CDC42SE2: variants seen among roughly 807,000 people sequenced by gnomAD.
The protein encoded by CDC42SE2 is CDC42 small effector 2, also known as CDC42 small effector protein 2.
In CDC42SE2, 3 loss-of-function variants were observed where a neutral mutation model predicts 11.5. The ratio of observed to expected loss-of-function variants is 0.26; its 90% confidence interval spans 0.12 to 0.67. The LOEUF (loss-of-function observed/expected upper bound fraction) is 0.67, where lower values mean the gene tolerates loss of function less well. CDC42SE2 is among the 30% of genes least tolerant of loss of function. CDC42SE2 has a pLI of 0.80. For synonymous variants in CDC42SE2, 33 were observed against 34.8 expected, an observed-to-expected ratio of 0.95 and a Z score of 0.18; for missense variants, 82 against 106.8, an observed-to-expected ratio of 0.77 and a Z score of 1.02.
At chr5:131,386,917 C>T (rs1175883486) in intron 4 of CDC42SE2, among the ~76,000 whole-genome samples, 1 of 152,174 alleles carries the variant, frequency 6.6e-6, no homozygotes, top group Non-Finnish European at 1.5e-5. Flanking sequence ...GATACAGCAA[C>T]GACGTTTGTC....
intron 4 of CDC42SE2, among the ~76,000 whole-genome samples, chr5:131,389,975 A>G (rs1179461606): frequency 6.6e-6 from 1 of 152,236 alleles, no homozygotes; most frequent in Non-Finnish European, 1.5e-5. Flanking sequence ...ATATGCTAAA[A>G]GTACTTCACA....
At chr5:131,260,576 G>A (rs1263086141), upstream of CDC42SE2, among the ~76,000 whole-genome samples, 1 of 144,826 alleles carries the variant, frequency 6.9e-6, no homozygotes, top group South Asian at 2.1e-4. Flanking sequence ...AGTGAGCCAA[G>A]ATTGCACCAC....
chr5:131,299,343 G>C (rs1402123704), intron 1 of CDC42SE2, among the ~76,000 whole-genome samples: 1 of 152,174 alleles, frequency 6.6e-6, no homozygotes, highest in Non-Finnish European at 1.5e-5. Context: ...GGTATTCGTT[G>C]AGAGATGATG....
intron 2 of CDC42SE2, among the ~76,000 whole-genome samples, chr5:131,346,391 C>T (rs1383774985): frequency 6.6e-6 from 1 of 152,090 alleles, no homozygotes; most frequent in Non-Finnish European, 1.5e-5. Context: ...CAACAAAGAT[C>T]AAAAGAGACA....
At chr5:131,311,371 T>G (rs569247937) in intron 1 of CDC42SE2, among the ~76,000 whole-genome samples, 26 of 152,212 alleles carry the variant, frequency 1.7e-4, no homozygotes, top group African/African-American at 6.3e-4. Flanking sequence ...TGGCTGCCCT[T>G]AATATTTTTT....
At chr5:131,316,250 T>C (rs1758037055) in intron 2 of CDC42SE2, 106 bp downstream of exon 2, 1 of 152,374 alleles carries the variant, frequency 6.6e-6, no homozygotes, top group African/African-American at 2.4e-5. Flanking sequence ...AATTTTTATA[T>C]TACAGAGGAG....
intron 2 of CDC42SE2, among the ~76,000 whole-genome samples, chr5:131,342,526 A>T (rs1758736575): frequency 1.4e-5 from 2 of 147,348 alleles, no homozygotes; most frequent in Admixed American, 1.4e-4. Context: ...AGTAGCTGGG[A>T]TACAGGCGCC....
intron 1 of CDC42SE2, among the ~76,000 whole-genome samples, chr5:131,312,392 T>C (rs1214154537): frequency 6.6e-6 from 1 of 152,186 alleles, no homozygotes; most frequent in Non-Finnish European, 1.5e-5. Flanking sequence ...TACTGCTTTT[T>C]GTTTGTCTGT....
At chr5:131,285,082 G>A (rs560641796) in intron 1 of CDC42SE2, among the ~76,000 whole-genome samples, 12 of 151,450 alleles carry the variant, frequency 7.9e-5, no homozygotes, top group Admixed American at 2.6e-4. Flanking sequence ...GAGCCCTGGA[G>A]TTTGAGACCA....
chr5:131,216,514 A>AACAAAAC, the CDC42SE2 span, among the ~76,000 whole-genome samples: 66 of 149,242 alleles, frequency 4.4e-4, no homozygotes, highest in Non-Finnish European at 7.5e-4. Context: ...AAAAAAAAAA[A>AACAAAAC]AAAAAAAACA....
intron 4 of CDC42SE2, 32 bp from the exon 5 acceptor site, chr5:131,390,961 T>TTTTG: frequency 6.9e-7 from 1 of 1,451,106 alleles, no homozygotes. Context: ...CTGACTTCCA[T>TTTTG]TTTGTTTTGT....
At chr5:131,320,379 G>A (rs566036067) in intron 2 of CDC42SE2, among the ~76,000 whole-genome samples, 2 of 151,272 alleles carry the variant, frequency 1.3e-5, no homozygotes, top group South Asian at 2.1e-4. Context: ...GTGACAGAGC[G>A]AGACTCTGTC....
chr5:131,240,499 T>TAAAC (rs1013728041), upstream of CDC42SE2, among the ~76,000 whole-genome samples: 1 of 152,188 alleles, frequency 6.6e-6, no homozygotes, highest in Non-Finnish European at 1.5e-5. Flanking sequence ...GTTTCTTTGT[T>TAAAC]AAACAAACAA....
rs773950759 is a variant in CDC42SE2, at chr5:131,359,532, A to T, written c.39A>T (p.Ala13=). The T allele has an allele frequency of 2.5e-6, 4 of 1,613,022 alleles. No individual in the cohort carries two copies. Among genetic ancestry groups the T allele is most frequent in the Non-Finnish European group, 3.4e-6 (4 of 1,178,976 alleles). The change falls in exon 3 of 5, where the codon GCA becomes GCT. Residue 13 remains alanine (A), a synonymous_variant. Coordinates refer to ENST00000505065, the MANE Select transcript of CDC42SE2 (RefSeq NM_001375635.1). The stretch of plus-strand genomic sequence containing the variant: ...GGTTGTGTTTCAACTGCTGTATTGC[A>T]GAACAGCCTCAGCCTGTAAGTATGA... ...EFWLCFNCCI[A]EQPQPKRRRR...
chr5:131,275,193 C>A (rs950498780), intron 1 of CDC42SE2, among the ~76,000 whole-genome samples: 4 of 151,890 alleles, frequency 2.6e-5, no homozygotes, highest in Non-Finnish European at 5.9e-5. Flanking sequence ...CTTAAAAAAA[C>A]CTATTTTGGG....
rs543328653 is a variant in CDC42SE2 at position 131,368,252 on chromosome 5, CAAAA to C, written c.54+8723_54+8726del. 7.6e-5 allele frequency among the ~76,000 whole-genome samples: 5 copies of C among 65,416 alleles called. No homozygotes were observed. In the East Asian group the frequency reaches 1.6e-3, roughly 21 times the overall value. 42.9% of individuals were successfully genotyped at this position (65,416 alleles called of 152,430 possible). A position where few individuals can be genotyped will look rare whatever the true frequency, so the allele number is the denominator to read the frequency against. On this transcript the variant is annotated intron_variant, in intron 3 of 4. Transcript: ENST00000505065. The stretch of plus-strand genomic sequence containing the variant: ...TGGGCAATAGAGTGAGACTCCATCT[CAAAA>C]AAAAAAAAAAAAAAAAAGAAGTCTT...
At chr5:131,366,350 T>G (rs962822358) in intron 3 of CDC42SE2, among the ~76,000 whole-genome samples, 2 of 152,208 alleles carry the variant, frequency 1.3e-5, no homozygotes, top group African/African-American at 2.4e-5. Flanking sequence ...CCTTAACCAA[T>G]TAGGAACTGT....
At chr5:131,313,876 G>T (rs1009095692) in intron 1 of CDC42SE2, among the ~76,000 whole-genome samples, 3 of 151,932 alleles carry the variant, frequency 2.0e-5, no homozygotes, top group Non-Finnish European at 4.4e-5. Flanking sequence ...CACCCTGGCC[G>T]TAGTGCAGTG....
At chr5:131,297,337 G>A (rs1279932268) in intron 1 of CDC42SE2, among the ~76,000 whole-genome samples, 2 of 152,014 alleles carry the variant, frequency 1.3e-5, no homozygotes, top group African/African-American at 4.8e-5. Context: ...AAGGCGTTAA[G>A]AAACCTTTAA....
Sources: gnomAD v4.1 joint callset for allele counts (sites outside exome capture counted in the v4.1 genomes callset) on GRCh38, gnomAD v4.1.1 for gene constraint, MANE v1.5 for transcripts, NCBI Gene and HGNC (gene_info 2026-07-23, HGNC 2026-07-21) for gene names.